HM13: variants seen among roughly 807,000 people sequenced by gnomAD.
HM13 encodes signal peptide peptidase.
HM13 carries 18 observed loss-of-function variants against 50.0 expected under a neutral mutation model. The ratio of observed to expected loss-of-function variants is 0.36; its 90% CI spans 0.25 to 0.53. HM13 has a LOEUF of 0.53. Among genes scored for constraint, HM13 ranks in the 20% least tolerant of loss-of-function variants. The pLI, the probability that HM13 is intolerant of heterozygous loss-of-function variation, is 0.90. For missense variants in HM13, 393 were observed against 552.4 expected (o/e 0.71, Z 2.89); for synonymous variants, 197 against 232.6 (o/e 0.85, Z 1.39).
intron 10 of HM13, among the ~76,000 whole-genome samples, chr20:31,564,945 C>T (rs1355053717): frequency 6.6e-6 from 1 of 151,430 alleles, no homozygotes; most frequent in Non-Finnish European, 1.5e-5. Context: ...GCAGGCAGAT[C>T]ACAAGGTCAA....
chr20:31,538,789 A>G (rs570371103), intron 3 of HM13: 4 of 377,094 alleles, frequency 1.1e-5, no homozygotes, highest in Non-Finnish European at 1.5e-5. Context: ...TTCCTGGTGA[A>G]TGTGGAGAAA....
chr20:31,528,110 GTATT>G (rs1193220677), intron 2 of HM13: 1 of 152,128 alleles, frequency 6.6e-6, no homozygotes, highest in East Asian at 1.9e-4. Flanking sequence ...ACCACATGGT[GTATT>G]CAGTTTGTAG....
chr20:31,525,385 G>A (rs1982425551), intron 1 of HM13, among the ~76,000 whole-genome samples: 1 of 152,014 alleles, frequency 6.6e-6, no homozygotes, highest in Non-Finnish European at 1.5e-5. Flanking sequence ...TTTTATTGTT[G>A]GTTTTTGTCA....
intron 2 of HM13, among the ~76,000 whole-genome samples, chr20:31,533,396 T>C (rs1157686015): frequency 2.6e-5 from 4 of 152,178 alleles, no homozygotes; most frequent in African/African-American, 9.7e-5. Context: ...TCCCAGCTAC[T>C]TGGGAGGCTG....
intron 8 of HM13, among the ~76,000 whole-genome samples, chr20:31,559,099 A>G (rs6058102): frequency 6.6e-6 from 1 of 151,970 alleles, no homozygotes; most frequent in Non-Finnish European, 1.5e-5. Context: ...TTGTATTTTT[A>G]GTGAGACGAG....
chr20:31,562,750 TA>T (rs2122658239), intron 10 of HM13: 2 of 152,280 alleles, frequency 1.3e-5, no homozygotes, highest in East Asian at 3.9e-4. Context: ...CCTAGTACAG[TA>T]TTACTTTATA....
At chr20:31,538,730 T>A in intron 3 of HM13, 1 of 811,434 alleles carries the variant, frequency 1.2e-6, no homozygotes, top group Non-Finnish European at 1.5e-6. Context: ...CTCTGCCACT[T>A]AATAGCTCTG....
At position 31,538,364 on chromosome 20, in the gene HM13, G is replaced by T. The variant is rs763501730; in HGVS notation, c.365+103G>T. On this transcript the variant is annotated intron_variant, in intron 3 of 12. Coordinates refer to ENST00000398174, the MANE Select transcript of HM13 (RefSeq NM_178581.3). ...TTTGGCATCATTCAGAGCCAGGTTT[G>T]AATCCTGGCTATAAAACTCAAGGGA... 8 of 1,594,190 alleles carry T rather than the reference G, an allele frequency of 5.0e-6. No homozygotes were observed. The Admixed American group carries it at 1.2e-4, about 24-fold the overall frequency.
intron 12 of HM13, 51 bp from the exon 13 acceptor site, chr20:31,569,069 C>T (rs974052254): frequency 2.9e-5 from 38 of 1,319,878 alleles, no homozygotes; most frequent in Non-Finnish European, 3.9e-5. Flanking sequence ...AGGTTCTGCT[C>T]ACCCTCTCCT....
At chr20:31,558,785 G>A (rs944948981) in intron 8 of HM13, among the ~76,000 whole-genome samples, 2 of 152,074 alleles carry the variant, frequency 1.3e-5, no homozygotes, top group African/African-American at 2.4e-5. Flanking sequence ...GTGCAGTGGC[G>A]TGATCTCGGC....
intron 2 of HM13, among the ~76,000 whole-genome samples, chr20:31,536,761 A>G (rs1983134077): frequency 6.6e-6 from 1 of 152,050 alleles, no homozygotes; most frequent in Non-Finnish European, 1.5e-5. Context: ...CCCTTCGTTT[A>G]TGACGCTCCT....
intron 10 of HM13, among the ~76,000 whole-genome samples, chr20:31,562,148 ATT>A (rs1195422404): frequency 2.0e-5 from 3 of 152,092 alleles, no homozygotes; most frequent in African/African-American, 7.2e-5. Context: ...GGTGTTGGGT[ATT>A]GGGGCGTCCC....
At chr20:31,522,719 G>C (rs6059761) in intron 1 of HM13, among the ~76,000 whole-genome samples, 46,655 of 151,972 alleles carry the variant, frequency 0.31, 11,775 homozygotes, top group African/African-American at 0.7. Context: ...TGTTGGCTGT[G>C]TCGTGATTCC....
chr20:31,518,850 T>C (rs1031931756), intron 1 of HM13, among the ~76,000 whole-genome samples: 1 of 151,346 alleles, frequency 6.6e-6, no homozygotes, highest in South Asian at 2.1e-4. Context: ...TCTCAAAAAA[T>C]ATATACATAT....
intron 10 of HM13, among the ~76,000 whole-genome samples, chr20:31,565,267 T>G (rs1445991031): frequency 6.6e-6 from 1 of 150,870 alleles, no homozygotes; most frequent in Non-Finnish European, 1.5e-5. Context: ...TCACCTGAGG[T>G]CAGGAGTTCG....
At chr20:31,566,679 A>G (rs1600674295) in intron 11 of HM13, among the ~76,000 whole-genome samples, 1 of 149,254 alleles carries the variant, frequency 6.7e-6, no homozygotes, top group South Asian at 2.1e-4. Context: ...GTAATAGAAC[A>G]GGGGGCGTGT....
chr20:31,552,845 G>A (rs1269137149), intron 7 of HM13, among the ~76,000 whole-genome samples: 1 of 152,180 alleles, frequency 6.6e-6, no homozygotes. Context: ...ATGTATTAGG[G>A]AAGCACAAGC....
intron 1 of HM13, among the ~76,000 whole-genome samples, chr20:31,515,367 A>G (rs1198883523): frequency 6.6e-6 from 1 of 152,194 alleles, no homozygotes; most frequent in African/African-American, 2.4e-5. Flanking sequence ...CATCCCAGTC[A>G]GCTGGCTCCT....
chr20:31,541,535 A>G (rs943677532), intron 3 of HM13: 1 of 152,016 alleles, frequency 6.6e-6, no homozygotes, highest in African/African-American at 2.4e-5. Context: ...GGCAGAAGGT[A>G]TGCTTACCAT....
Sources: allele counts gnomAD v4.1 joint callset (sites outside exome capture counted in the v4.1 genomes callset), GRCh38; gene constraint gnomAD v4.1.1; transcripts MANE v1.5; gene names NCBI Gene and HGNC (gene_info 2026-07-23, HGNC 2026-07-21).